USP32: variants seen among roughly 807,000 people sequenced by gnomAD.
The protein encoded by USP32 is ubiquitin specific peptidase 32.
In USP32, 59 loss-of-function variants were observed where a neutral mutation model predicts 204.8. That is an observed-to-expected ratio of 0.29 (90% CI 0.23 to 0.36). USP32 has a LOEUF of 0.36. Ranked by LOEUF, USP32 falls within the 10% of genes least tolerant of loss-of-function variation. USP32 has a pLI of 1.00. For synonymous variants in USP32, 517 were observed against 678.4 expected, an observed-to-expected ratio of 0.76 and a Z score of 3.70; for missense variants, 1,160 against 1,946.4, an observed-to-expected ratio of 0.60 and a Z score of 7.60.
chr17:60,263,583 A>T (rs237956), intron 9 of USP32, among the ~76,000 whole-genome samples: 31,275 of 152,202 alleles, frequency 0.21, 7,838 homozygotes, highest in African/African-American at 0.6. Context: ...AACTCCATCT[A>T]ACATAAAAGG....
intron 1 of USP32, among the ~76,000 whole-genome samples, chr17:60,351,914 A>G (rs915881454): frequency 6.6e-6 from 1 of 152,202 alleles, no homozygotes; most frequent in Non-Finnish European, 1.5e-5. Context: ...AGGAAGTGGT[A>G]ATTCCTAAAG....
chr17:60,376,040 AT>A (rs1029402384), intron 1 of USP32, among the ~76,000 whole-genome samples: 5 of 150,930 alleles, frequency 3.3e-5, no homozygotes, highest in African/African-American at 4.9e-5. Flanking sequence ...TTATAATCTA[AT>A]TTTTTTTAGT....
intron 11 of USP32, among the ~76,000 whole-genome samples, chr17:60,243,561 A>G (rs2085933091): frequency 6.6e-6 from 1 of 152,212 alleles, no homozygotes; most frequent in Admixed American, 6.5e-5. Flanking sequence ...GCTCTAGTAA[A>G]ATGTTATTTA....
In USP32 at chr17:60,180,409, C is replaced by A. The variant is rs1443366004; in HGVS notation, c.4641+136G>T. ...GCATATAACTTTTGTTCCTTTAATA[C>A]TGACAGCATCTATATATTGATTCTA... On this transcript the variant is annotated intron_variant, in intron 33 of 33. Coordinates refer to ENST00000300896, the MANE Select transcript of USP32 (RefSeq NM_032582.4). The A allele has an allele frequency of 1.0e-5, 10 of 986,228 alleles. No homozygotes were observed. The East Asian group carries it at 2.4e-4, about 24-fold the overall frequency. 61.1% of individuals were successfully genotyped at this position (986,228 alleles called of 1,614,324 possible). A position where few individuals can be genotyped will look rare whatever the true frequency, so the allele number is the denominator to read the frequency against.
At chr17:60,250,325 T>C (rs1472517251) in intron 11 of USP32, among the ~76,000 whole-genome samples, 1 of 152,138 alleles carries the variant, frequency 6.6e-6, no homozygotes, top group East Asian at 1.9e-4. Flanking sequence ...ATCAACCTTA[T>C]TTTTTGAAAT....
intron 2 of USP32, among the ~76,000 whole-genome samples, chr17:60,340,231 T>A (rs944121227): frequency 6.6e-6 from 1 of 152,162 alleles, no homozygotes; most frequent in Non-Finnish European, 1.5e-5. Flanking sequence ...GGAATATAGA[T>A]CATCCATTCC....
At chr17:60,357,940 G>A (rs868129083) in intron 1 of USP32, among the ~76,000 whole-genome samples, 1 of 151,922 alleles carries the variant, frequency 6.6e-6, no homozygotes, top group South Asian at 2.1e-4. Context: ...AGCTAATTTT[G>A]TATTTTTAGT....
chr17:60,266,109 T>C lies in USP32; in HGVS notation c.812-18A>G. 1 of 1,581,342 alleles carries C rather than the reference T, an allele frequency of 6.3e-7. No individual in the cohort carries two copies. Among genetic ancestry groups the C allele is most frequent in the Non-Finnish European group, 8.7e-7 (1 of 1,152,980 alleles). On this transcript the variant is annotated intron_variant, in intron 7 of 33. Coordinates refer to ENST00000300896, the MANE Select transcript of USP32 (RefSeq NM_032582.4). ...GAAGCAAACTAATGAAAAGAAACTC[T>C]TATGGAGGAAAATCATTTTTGTATT...
intron 1 of USP32, among the ~76,000 whole-genome samples, chr17:60,420,093 A>ATTTGT (rs1200044695): frequency 2.3e-4 from 31 of 136,372 alleles, no homozygotes; most frequent in Admixed American, 1.1e-3. Context: ...ATTTTATTTT[A>ATTTGT]TTTGTTTTGT....
chr17:60,369,064 G>A (rs1264180945), intron 1 of USP32, among the ~76,000 whole-genome samples: 1 of 127,436 alleles, frequency 7.8e-6, no homozygotes, highest in African/African-American at 4.1e-5. Flanking sequence ...GCGGGATCTC[G>A]GCTCACTGCA....
chr17:60,349,613 ATATATATATATTATATAT>A (rs2088887520), intron 1 of USP32, among the ~76,000 whole-genome samples: 1 of 71,752 alleles, frequency 1.4e-5, no homozygotes, highest in Non-Finnish European at 2.3e-5. Context: ...ATATATATAT[ATATATATATATTATATAT>A]ATATATATAT....
chr17:60,271,798 T>C (rs749659291), intron 5 of USP32, among the ~76,000 whole-genome samples: 1 of 151,790 alleles, frequency 6.6e-6, no homozygotes, highest in Non-Finnish European at 1.5e-5. Context: ...TTACCTGTAC[T>C]GATTTTTTTT....
intron 1 of USP32, among the ~76,000 whole-genome samples, chr17:60,420,457 C>T (rs934244454): frequency 1.3e-5 from 2 of 152,078 alleles, no homozygotes; most frequent in Non-Finnish European, 2.9e-5. Context: ...CACCTGAAGT[C>T]GGGAGTTAGA....
At chr17:60,199,311 CT>C (rs559565832) in intron 26 of USP32, among the ~76,000 whole-genome samples, 2 of 151,028 alleles carry the variant, frequency 1.3e-5, no homozygotes, top group African/African-American at 4.9e-5. Context: ...TGATTTTAAT[CT>C]TTTTTTTTGT....
chr17:60,298,647 C>T (rs987129707), intron 3 of USP32, among the ~76,000 whole-genome samples: 39 of 152,130 alleles, frequency 2.6e-4, no homozygotes, highest in African/African-American at 8.5e-4. Flanking sequence ...CACTACCATA[C>T]CTGTCCTGTA....
At position 60,209,440 on chromosome 17, in the gene USP32, C is replaced by T; in HGVS notation, c.2528G>A (p.Arg843Gln). ...TTCCACATATGGCTTTTCATGGACT[C>T]GATTAAGATCTTCATGAAGACCATC... ...LLDGLHEDLN[R>Q]VHEKPYVELK... is the part of the protein sequence containing the mutation. Residue 843 changes from arginine to glutamine, a missense_variant, in exon 22 of 34, where the codon CGA becomes CAA. Physicochemically the swap from Arg to Gln is conservative, Grantham distance 43. This residue lies in a region of USP32 where 132 missense variants were observed against 432.8 expected (regional missense o/e 0.30). Coordinates refer to ENST00000300896, the MANE Select transcript of USP32 (RefSeq NM_032582.4). 1 of 1,588,302 alleles carries T rather than the reference C, an allele frequency of 6.3e-7. No individual in the cohort carries two copies. The highest frequency in any genetic ancestry group is 8.5e-7 in the Non-Finnish European group (1 of 1,170,504).
At chr17:60,235,525 T>C (rs560201446) in intron 12 of USP32, among the ~76,000 whole-genome samples, 2 of 152,298 alleles carry the variant, frequency 1.3e-5, no homozygotes, top group East Asian at 1.9e-4. Flanking sequence ...TACAGGCAAA[T>C]AGGAATCAAA....
At chr17:60,372,962 C>G (rs1158777213) in intron 1 of USP32, among the ~76,000 whole-genome samples, 1 of 151,562 alleles carries the variant, frequency 6.6e-6, no homozygotes, top group African/African-American at 2.4e-5. Flanking sequence ...CCCAGGAGTT[C>G]AAGAATAGCC....
chr17:60,280,684 T>C (rs2086947445), intron 5 of USP32, among the ~76,000 whole-genome samples: 1 of 152,224 alleles, frequency 6.6e-6, no homozygotes, highest in African/African-American at 2.4e-5. Flanking sequence ...AATAAATGTC[T>C]ACTTATAAAT....
Sources: allele counts gnomAD v4.1 joint callset (sites outside exome capture counted in the v4.1 genomes callset), GRCh38; gene constraint gnomAD v4.1.1; regional missense constraint gnomAD v4.1.1; transcripts MANE v1.5; gene names NCBI Gene and HGNC (gene_info 2026-07-23, HGNC 2026-07-21).